The following ZNF423 variants were observed in gnomAD, a reference collection of about 807,000 sequenced individuals.
ZNF423 encodes Ebf-associated zinc finger protein.
ZNF423 carries 12 observed loss-of-function variants against 95.8 expected under a neutral mutation model. That is an observed-to-expected ratio of 0.13 (90% CI 0.08 to 0.20). The LOEUF (loss-of-function observed/expected upper bound fraction) is 0.20, where lower values mean the gene tolerates loss of function less well. ZNF423 is among the 10% of genes least tolerant of loss of function. The pLI is 1.00. For missense variants in ZNF423, 1,316 were observed against 1,737.1 expected, an observed-to-expected ratio of 0.76 and a Z score of 4.31; for synonymous variants, 749 against 711.9, an observed-to-expected ratio of 1.05 and a Z score of -0.83.
chr16:49,731,382 T>C, intron 2 of ZNF423: 1 of 985,450 alleles, frequency 1.0e-6, no homozygotes, highest in Non-Finnish European at 1.2e-6. Context: ...CTGGGAGATC[T>C]CTTAGCCAAG....
intron 4 of ZNF423, among the ~76,000 whole-genome samples, chr16:49,626,914 T>C (rs1374224951): frequency 7.7e-6 from 1 of 130,316 alleles, no homozygotes; most frequent in Non-Finnish European, 1.6e-5. Context: ...TACCCATCCA[T>C]TCATCTACAT....
intron 2 of ZNF423, among the ~76,000 whole-genome samples, chr16:49,770,522 G>A (rs2034013179): frequency 1.3e-5 from 2 of 152,170 alleles, no homozygotes; most frequent in Non-Finnish European, 2.9e-5. Context: ...AAGCCAGCAT[G>A]TGGTCGTCAT....
At chr16:49,759,243 C>CA (rs1217811366) in intron 2 of ZNF423, among the ~76,000 whole-genome samples, 2 of 152,074 alleles carry the variant, frequency 1.3e-5, no homozygotes, top group East Asian at 3.9e-4. Context: ...ACTAAAAATA[C>CA]AAAAAATCAG....
At position 49,818,056 on chromosome 16, in the gene ZNF423, C is replaced by A. The variant is rs189536433; in HGVS notation, c.41-28510G>T. Among the ~76,000 whole-genome samples, 65 of 152,222 alleles carry A rather than the reference C, an allele frequency of 4.3e-4. 1 individual carries two copies. Among genetic ancestry groups the A allele is most frequent in the Non-Finnish European group, 1.6e-4 (11 of 68,022 alleles). ...TCACCACCAAAGGCCCATCCAGTGC[C>A]AGGCCTGCCATGGTCACCTCGCTAC... On this transcript the variant is annotated intron_variant, in intron 1 of 7. Coordinates refer to ENST00000563137, the MANE Select transcript of ZNF423 (RefSeq NM_001379286.1).
intron 2 of ZNF423, among the ~76,000 whole-genome samples, chr16:49,768,236 G>A (rs1390623337): frequency 6.6e-6 from 1 of 152,206 alleles, no homozygotes; most frequent in Non-Finnish European, 1.5e-5. Context: ...GCGGGAGCCG[G>A]GAACGGGGGC....
In ZNF423 at chr16:49,635,780, C is replaced by G; in HGVS notation, c.3396G>C (p.Glu1132Asp). The change falls in exon 4 of 8, where the codon GAG becomes GAC. Residue 1132 changes from glutamate (E) to aspartate (D), a missense_variant. Transcript: ENST00000563137. The surrounding 1 kb of genome is among the most constrained non-coding windows in gnomAD (Gnocchi z 4.8). ...DRPCAGLRCP[E>D]CSVKFESAED... ...CGGCACTCTCAAACTTGACACTGCA[C>G]TCGGGGCAACGGAGGCCGGCACAGG... is the stretch of plus-strand genomic sequence containing the variant. 3 of 1,612,716 alleles carry G rather than the reference C, an allele frequency of 1.9e-6. No individual in the cohort carries two copies. Among genetic ancestry groups the G allele is most frequent in the Non-Finnish European group, 2.5e-6 (3 of 1,179,812 alleles).
intron 5 of ZNF423, among the ~76,000 whole-genome samples, chr16:49,562,451 C>T (rs1176619238): frequency 6.6e-6 from 1 of 152,350 alleles, no homozygotes; most frequent in East Asian, 1.9e-4. Flanking sequence ...GCCTGATACA[C>T]ACCCGATGGG....
intron 3 of ZNF423, among the ~76,000 whole-genome samples, chr16:49,644,006 A>T (rs1425741675): frequency 6.6e-6 from 1 of 152,232 alleles, no homozygotes; most frequent in South Asian, 2.1e-4. Context: ...TGCCTCGGAC[A>T]CACCTCATCT....
intron 3 of ZNF423, among the ~76,000 whole-genome samples, chr16:49,693,224 T>A (rs1244054593): frequency 6.6e-6 from 1 of 152,214 alleles, no homozygotes; most frequent in Non-Finnish European, 1.5e-5. Flanking sequence ...TAAGCATCTT[T>A]ATTCCCTATG....
intron 5 of ZNF423, among the ~76,000 whole-genome samples, chr16:49,573,059 G>A (rs898368164): frequency 6.6e-6 from 1 of 152,142 alleles, no homozygotes; most frequent in Non-Finnish European, 1.5e-5. Flanking sequence ...TAAGCAAATG[G>A]GCGAGTGAAT....
At chr16:49,532,934 G>T (rs1012608271) in intron 5 of ZNF423, among the ~76,000 whole-genome samples, 3 of 152,170 alleles carry the variant, frequency 2.0e-5, no homozygotes, top group Non-Finnish European at 4.4e-5. Context: ...GCAGGAGAAA[G>T]GGGGAGACCG....
rs1274084287 is a variant in ZNF423 at position 49,603,507 on chromosome 16, T to G, written c.3601+22663A>C. On this transcript the variant is annotated intron_variant, in intron 5 of 7. Coordinates refer to ENST00000563137, the MANE Select transcript of ZNF423 (RefSeq NM_001379286.1). This position sits in a 1 kb window ranked among gnomAD's most constrained non-coding sequence, Gnocchi z 4.1. ...TTGCTGCGACCTCCGCCTCCCGGGT[T>G]CAAGTGATTCTCCTGCCTCAGCCTC... 3.3e-5 allele frequency among the ~76,000 whole-genome samples: 5 copies of G among 152,086 alleles called. No individual in the cohort carries two copies. Among genetic ancestry groups the G allele is most frequent in the Non-Finnish European group, 7.3e-5 (5 of 68,030 alleles).
chr16:49,835,301 A>G (rs1597051906), intron 1 of ZNF423, among the ~76,000 whole-genome samples: 1 of 152,132 alleles, frequency 6.6e-6, no homozygotes. Flanking sequence ...AGGAGGGTGG[A>G]GAGAAGAATA....
chr16:49,761,644 A>G (rs1367824986), intron 2 of ZNF423, among the ~76,000 whole-genome samples: 1 of 152,152 alleles, frequency 6.6e-6, no homozygotes, highest in Non-Finnish European at 1.5e-5. Flanking sequence ...GCCCTCCTGC[A>G]CCCAGATAGG....
chr16:49,584,354 G>T (rs1359730596), intron 5 of ZNF423, among the ~76,000 whole-genome samples: 2 of 152,174 alleles, frequency 1.3e-5, no homozygotes, highest in African/African-American at 4.8e-5. Context: ...TACTGCCTAC[G>T]CTTAGGGCAT....
intron 1 of ZNF423, among the ~76,000 whole-genome samples, chr16:49,808,452 G>T (rs1260297308): frequency 1.3e-5 from 2 of 152,174 alleles, no homozygotes; most frequent in Non-Finnish European, 2.9e-5. Context: ...GAAGAAAAGA[G>T]AACCATTCAC....
intron 2 of ZNF423, among the ~76,000 whole-genome samples, chr16:49,761,006 A>G (rs2033821364): frequency 6.6e-6 from 1 of 151,388 alleles, no homozygotes; most frequent in South Asian, 2.1e-4. Flanking sequence ...ACACATATAT[A>G]CACATAAACA....
At chr16:49,491,445 C>T in intron 7 of ZNF423, 141 bp from the exon 8 acceptor site, 1 of 1,053,160 alleles carries the variant, frequency 9.5e-7, no homozygotes, top group South Asian at 1.3e-5. Context: ...GGAAAAAGTG[C>T]TCCAGGGACG....
chr16:49,676,272 A>G (rs1176254160), intron 3 of ZNF423, among the ~76,000 whole-genome samples: 2 of 152,202 alleles, frequency 1.3e-5, no homozygotes, highest in Non-Finnish European at 2.9e-5. Context: ...TAACTGAGAT[A>G]CACACACACG....
Sources: allele counts gnomAD v4.1 joint callset (sites outside exome capture counted in the v4.1 genomes callset), GRCh38; gene constraint gnomAD v4.1.1; non-coding constraint Gnocchi (gnomAD v3.1); transcripts MANE v1.5; gene names NCBI Gene and HGNC (gene_info 2026-07-23, HGNC 2026-07-21).